GRID2: variants seen among roughly 807,000 people sequenced by gnomAD.
The protein encoded by GRID2 is glutamate receptor ionotropic, delta-2.
A neutral mutation model predicts 114.8 loss-of-function variants in GRID2; 33 were observed. That is an observed-to-expected ratio of 0.29 (90% CI 0.22 to 0.38). GRID2 has a LOEUF of 0.38. GRID2 is among the 10% of genes least tolerant of loss of function. The pLI is 1.00. For missense variants in GRID2, 1,184 were observed against 1,257.7 expected (o/e 0.94, Z 0.89); for synonymous variants, 505 against 449.9 (o/e 1.12, Z -1.55).
intron 8 of GRID2, among the ~76,000 whole-genome samples, chr4:93,240,736 A>C (rs1747405718): frequency 6.6e-6 from 1 of 151,440 alleles, no homozygotes; most frequent in Non-Finnish European, 1.5e-5. Context: ...CTTCCAAATT[A>C]AGGTCTTTTA....
At chr4:93,580,760 T>C (rs1006942066) in intron 13 of GRID2, among the ~76,000 whole-genome samples, 3 of 151,722 alleles carry the variant, frequency 2.0e-5, no homozygotes, top group Admixed American at 6.6e-5. Context: ...AGCATTTTTT[T>C]TTTCTTTTTT....
intron 11 of GRID2, among the ~76,000 whole-genome samples, chr4:93,473,094 TTAAC>T (rs1335545549): frequency 3.3e-5 from 5 of 152,206 alleles, no homozygotes; most frequent in Non-Finnish European, 7.3e-5. Context: ...ATTTTTTCCT[TTAAC>T]TATTTTTTCC....
At chr4:92,722,967 A>G (rs1230401517) in intron 2 of GRID2, among the ~76,000 whole-genome samples, 3 of 152,172 alleles carry the variant, frequency 2.0e-5, no homozygotes, top group Non-Finnish European at 2.9e-5. Flanking sequence ...ACTATTAAAA[A>G]CAATCATTAA....
At chr4:93,379,285 T>G (rs114503963) in intron 8 of GRID2, among the ~76,000 whole-genome samples, 4,756 of 152,152 alleles carry the variant, frequency 0.031, 108 homozygotes, top group Middle Eastern at 0.072. Context: ...AAGCAACATG[T>G]TAACTGAATT....
At chr4:92,486,639 A>G (rs1178051398) in intron 1 of GRID2, among the ~76,000 whole-genome samples, 2 of 151,732 alleles carry the variant, frequency 1.3e-5, no homozygotes, top group Non-Finnish European at 2.9e-5. Flanking sequence ...TCAACAGAGT[A>G]AAAAGACAAC....
chr4:92,535,661 T>C, intron 1 of GRID2, among the ~76,000 whole-genome samples: 1 of 152,130 alleles, frequency 6.6e-6, no homozygotes, highest in Non-Finnish European at 1.5e-5. Context: ...TAAACTCCAT[T>C]ATTATTAAAA....
intron 2 of GRID2, among the ~76,000 whole-genome samples, chr4:92,816,708 G>A (rs186785457): frequency 1.3e-5 from 2 of 152,242 alleles, no homozygotes; most frequent in Admixed American, 6.5e-5. Context: ...TTCATTCACT[G>A]TTTAAAGTTT....
chr4:92,811,837 G>T (rs1483641583), intron 2 of GRID2, among the ~76,000 whole-genome samples: 1 of 152,042 alleles, frequency 6.6e-6, no homozygotes, highest in South Asian at 2.1e-4. Context: ...GTAGCAAAGA[G>T]GTAATCAAAT....
chr4:93,027,488 T>C (rs1723990394), intron 2 of GRID2, among the ~76,000 whole-genome samples: 1 of 152,114 alleles, frequency 6.6e-6, no homozygotes, highest in South Asian at 2.1e-4. Flanking sequence ...CTTGTATTGC[T>C]GGATTTTACA....
chr4:93,581,416 A>G (rs1736973224), intron 13 of GRID2, among the ~76,000 whole-genome samples: 1 of 152,178 alleles, frequency 6.6e-6, no homozygotes, highest in South Asian at 2.1e-4. Context: ...ATTAATCCCT[A>G]AACTACACAG....
intron 1 of GRID2, among the ~76,000 whole-genome samples, chr4:92,460,172 C>T (rs1472490525): frequency 1.3e-5 from 2 of 150,242 alleles, no homozygotes; most frequent in African/African-American, 4.9e-5. Flanking sequence ...AAAAATAGCC[C>T]AAACCAGAAA....
At chr4:92,689,472 G>C (rs1734074128) in intron 2 of GRID2, among the ~76,000 whole-genome samples, 1 of 152,208 alleles carries the variant, frequency 6.6e-6, no homozygotes, top group African/African-American at 2.4e-5. Flanking sequence ...CCACACAGCA[G>C]AAGGTGACTT....
At chr4:93,711,954 A>G (rs76271074) in intron 14 of GRID2, among the ~76,000 whole-genome samples, 6,400 of 152,198 alleles carry the variant, frequency 0.042, 217 homozygotes, top group African/African-American at 0.084. Context: ...AGTTGCTGGA[A>G]GGTTCTATTC....
At chr4:92,828,733 C>A (rs972341843) in intron 2 of GRID2, among the ~76,000 whole-genome samples, 3 of 151,890 alleles carry the variant, frequency 2.0e-5, no homozygotes, top group Admixed American at 6.6e-5. Flanking sequence ...CACTGAAAAA[C>A]ATTGTTTTTC....
At chr4:93,758,094 C>A (rs1732905859) in intron 14 of GRID2, among the ~76,000 whole-genome samples, 1 of 152,084 alleles carries the variant, frequency 6.6e-6, no homozygotes, top group Admixed American at 6.5e-5. Flanking sequence ...GATTCTAGGC[C>A]ACCTCAAGAG....
At chr4:92,938,565 T>G (rs1750841332) in intron 2 of GRID2, among the ~76,000 whole-genome samples, 1 of 146,400 alleles carries the variant, frequency 6.8e-6, no homozygotes, top group Admixed American at 7.5e-5. Context: ...ATGTCAATAT[T>G]TCTTTTTTTT....
intron 2 of GRID2, among the ~76,000 whole-genome samples, chr4:92,964,974 G>A (rs1234639516): frequency 6.6e-6 from 1 of 151,848 alleles, no homozygotes; most frequent in Non-Finnish European, 1.5e-5. Flanking sequence ...TCAACTCCTC[G>A]ATGCAAGAGG....
downstream of GRID2, among the ~76,000 whole-genome samples, chr4:93,778,836 C>T (rs1734423193): frequency 6.6e-6 from 1 of 152,058 alleles, no homozygotes. Context: ...TGATACAAAA[C>T]TCTATTCACA....
At chr4:92,721,885 C>T (rs1001967698) in intron 2 of GRID2, among the ~76,000 whole-genome samples, 52 of 152,152 alleles carry the variant, frequency 3.4e-4, no homozygotes, top group African/African-American at 1.2e-3. Flanking sequence ...ATCTTTGTTC[C>T]TAAAATGAAA....
Sources: gnomAD v4.1 joint callset for allele counts (sites outside exome capture counted in the v4.1 genomes callset) on GRCh38, gnomAD v4.1.1 for gene constraint, MANE v1.5 for transcripts, NCBI Gene and HGNC (gene_info 2026-07-23, HGNC 2026-07-21) for gene names.